GRIP1: variants seen among roughly 807,000 people sequenced by gnomAD.
The protein encoded by GRIP1 is glutamate receptor-interacting protein 1.
GRIP1 carries 45 observed loss-of-function variants against 129.9 expected under a neutral mutation model. The ratio of observed to expected loss-of-function variants is 0.35; its 90% CI spans 0.27 to 0.44. The LOEUF is 0.44. Among genes scored for constraint, GRIP1 ranks in the 20% least tolerant of loss-of-function variants. The probability of loss-of-function intolerance (pLI) is 1.00; values close to 1 mark genes in which losing one functional copy is unlikely to be tolerated. For missense variants in GRIP1, 1,196 were observed against 1,396.8 expected (o/e 0.86, Z 2.29); for synonymous variants, 530 against 520.8 (o/e 1.02, Z -0.24).
At chr12:66,595,514 CAAGA>C (rs1452609289) in intron 2 of GRIP1, among the ~76,000 whole-genome samples, 1 of 152,068 alleles carries the variant, frequency 6.6e-6, no homozygotes, top group Non-Finnish European at 1.5e-5. Flanking sequence ...GTAGGGTAGC[CAAGA>C]AAGAATTGAT....
intron 1 of GRIP1, among the ~76,000 whole-genome samples, chr12:66,668,165 C>T (rs2033895473): frequency 6.6e-6 from 1 of 152,154 alleles, no homozygotes; most frequent in African/African-American, 2.4e-5. Context: ...GGAAGGCATA[C>T]ATTTAAAATA....
intron 1 of GRIP1, among the ~76,000 whole-genome samples, chr12:66,701,142 T>C (rs1197087473): frequency 2.0e-5 from 3 of 152,062 alleles, no homozygotes; most frequent in African/African-American, 7.2e-5. Context: ...AACCCTCCCT[T>C]TTCTACACAC....
At chr12:66,733,463 ACTCTTTC>A (rs1345560689) in intron 1 of GRIP1, among the ~76,000 whole-genome samples, 1 of 151,996 alleles carries the variant, frequency 6.6e-6, no homozygotes, top group Non-Finnish European at 1.5e-5. Flanking sequence ...CTGGGATGTA[ACTCTTTC>A]CTTTGCCCTT....
intron 1 of GRIP1, among the ~76,000 whole-genome samples, chr12:67,005,369 C>A (rs2042611698): frequency 6.6e-6 from 1 of 152,108 alleles, no homozygotes; most frequent in Admixed American, 6.5e-5. Context: ...TAGCAAATTT[C>A]TGAAATATAA....
intron 1 of GRIP1, among the ~76,000 whole-genome samples, chr12:67,038,049 G>A (rs1258577906): frequency 6.6e-6 from 1 of 151,948 alleles, no homozygotes; most frequent in East Asian, 1.9e-4. Context: ...TCATCTATAT[G>A]ATCTACACTG....
intron 1 of GRIP1, chr12:66,803,904 A>T: frequency 3.2e-6 from 1 of 312,356 alleles, no homozygotes; most frequent in South Asian, 2.9e-5. Context: ...GCAACAAATC[A>T]AGCAAAACAT....
At chr12:67,016,046 G>A (rs1190792711) in intron 1 of GRIP1, among the ~76,000 whole-genome samples, 1 of 152,120 alleles carries the variant, frequency 6.6e-6, no homozygotes, top group African/African-American at 2.4e-5. Context: ...TGTAACTCTG[G>A]GTTATGGGGA....
intron 1 of GRIP1, among the ~76,000 whole-genome samples, chr12:66,841,305 G>A (rs1444773075): frequency 1.3e-5 from 2 of 152,100 alleles, no homozygotes; most frequent in Admixed American, 1.3e-4. Context: ...ACCAAGAAGT[G>A]TATGTCCTTG....
chr12:66,976,662 C>T (rs1213325978), intron 1 of GRIP1, among the ~76,000 whole-genome samples: 1 of 152,162 alleles, frequency 6.6e-6, no homozygotes, highest in Non-Finnish European at 1.5e-5. Flanking sequence ...GCTACTACCA[C>T]TACCACTACT....
chr12:66,613,028 C>T (rs79396940), intron 1 of GRIP1, among the ~76,000 whole-genome samples: 2,352 of 152,200 alleles, frequency 0.015, 45 homozygotes, highest in Admixed American at 0.04. Context: ...TTCTGCAGGG[C>T]TAAAAATGGC....
intron 2 of GRIP1, among the ~76,000 whole-genome samples, chr12:66,584,252 CTG>C (rs1265434803): frequency 1.6e-5 from 2 of 128,588 alleles, no homozygotes; most frequent in African/African-American, 6.0e-5. Flanking sequence ...ACTCTGGGGA[CTG>C]TTGTGGGGTG....
chr12:66,968,556 G>T (rs1285996253), intron 1 of GRIP1, among the ~76,000 whole-genome samples: 12 of 151,932 alleles, frequency 7.9e-5, no homozygotes, highest in African/African-American at 2.9e-4. Context: ...TCTAGAGTTT[G>T]CAATATGCAT....
At chr12:66,930,658 C>A (rs2041379411) in intron 1 of GRIP1, among the ~76,000 whole-genome samples, 1 of 152,160 alleles carries the variant, frequency 6.6e-6, no homozygotes, top group South Asian at 2.1e-4. Flanking sequence ...TTATTTCCTG[C>A]AAAAGAATAT....
At chr12:66,581,050 C>T (rs540588609) in intron 2 of GRIP1, among the ~76,000 whole-genome samples, 1 of 152,290 alleles carries the variant, frequency 6.6e-6, no homozygotes, top group East Asian at 1.9e-4. Flanking sequence ...GAAATTATAA[C>T]AAACTGTCAG....
At chr12:66,443,833 G>C (rs2058539854) in intron 13 of GRIP1, among the ~76,000 whole-genome samples, 1 of 152,162 alleles carries the variant, frequency 6.6e-6, no homozygotes. Flanking sequence ...AGTATCTGCT[G>C]TCATTTCTCT....
chr12:66,391,516 T>C (rs1037401411), intron 19 of GRIP1, among the ~76,000 whole-genome samples: 1 of 152,240 alleles, frequency 6.6e-6, no homozygotes, highest in African/African-American at 2.4e-5. Context: ...AAGAAAAATC[T>C]ACTCTATACT....
chr12:66,511,799 T>C (rs143807290), intron 7 of GRIP1, among the ~76,000 whole-genome samples: 2 of 152,242 alleles, frequency 1.3e-5, no homozygotes, highest in East Asian at 3.9e-4. Flanking sequence ...TTATTAAACT[T>C]GTTTCTAAAG....
chr12:66,378,449 C>T (rs2055923646), intron 20 of GRIP1, among the ~76,000 whole-genome samples: 1 of 148,572 alleles, frequency 6.7e-6, no homozygotes, highest in African/African-American at 2.5e-5. Flanking sequence ...GAGACCTTGT[C>T]TCAAAAATAA....
At chr12:66,962,289 T>C (rs1488639220) in intron 1 of GRIP1, among the ~76,000 whole-genome samples, 2 of 152,126 alleles carry the variant, frequency 1.3e-5, no homozygotes, top group African/African-American at 4.8e-5. Flanking sequence ...ATTAATATAT[T>C]ATCGTAAACA....
Sources: gnomAD v4.1 joint callset for allele counts (sites outside exome capture counted in the v4.1 genomes callset) on GRCh38, gnomAD v4.1.1 for gene constraint, MANE v1.5 for transcripts, NCBI Gene and HGNC (gene_info 2026-07-23, HGNC 2026-07-21) for gene names.